TMCO1: variants seen among roughly 807,000 people sequenced by gnomAD.
TMCO1 encodes transmembrane and coiled-coil domains 1.
TMCO1 carries 29 observed loss-of-function variants against 29.3 expected under a neutral mutation model. That is an observed-to-expected ratio of 0.99 (90% CI 0.74 to 1.35). The LOEUF is 1.35. TMCO1 is among the 40% of genes most tolerant of loss of function. TMCO1 has a pLI of 0.00. For missense variants in TMCO1, 173 were observed against 225.5 expected (o/e 0.77, Z 1.49); for synonymous variants, 80 against 77.1 (o/e 1.04, Z -0.20).
chr1:165,725,213 A>T, downstream of TMCO1: 1 of 453,402 alleles, frequency 2.2e-6, no homozygotes, highest in South Asian at 1.6e-5. Flanking sequence ...AATACATAAA[A>T]TAAGTATAAA....
chr1:165,743,432 G>A, intron 5 of TMCO1, 121 bp from the exon 6 acceptor site: 1 of 1,008,976 alleles, frequency 9.9e-7, no homozygotes, highest in Non-Finnish European at 1.5e-6. Context: ...AAAACAAAGA[G>A]AGGGTGACAT....
At chr1:165,744,543 G>A (rs966390929) in intron 5 of TMCO1, among the ~76,000 whole-genome samples, 1 of 152,098 alleles carries the variant, frequency 6.6e-6, no homozygotes, top group African/African-American at 2.4e-5. Context: ...TGTAATTCCA[G>A]CACTTTGGGA....
At chr1:165,736,031 T>C (rs2101791984) in intron 6 of TMCO1, among the ~76,000 whole-genome samples, 1 of 152,330 alleles carries the variant, frequency 6.6e-6, no homozygotes, top group African/African-American at 2.4e-5. Context: ...GATTAGGTTA[T>C]GAGGGCTCTG....
intron 5 of TMCO1, among the ~76,000 whole-genome samples, chr1:165,751,779 C>T (rs1367892607): frequency 6.6e-6 from 1 of 151,346 alleles, no homozygotes; most frequent in Non-Finnish European, 1.5e-5. Flanking sequence ...AAGAAAATGT[C>T]CTTAGGAAAT....
At chr1:165,726,013 C>T (rs893409495), downstream of TMCO1, 13 of 686,242 alleles carry the variant, frequency 1.9e-5, no homozygotes, top group African/African-American at 3.5e-5. Context: ...TTAGAAAGCA[C>T]CAACTTCAAA....
chr1:165,744,915 T>C (rs1651737677), intron 5 of TMCO1, among the ~76,000 whole-genome samples: 1 of 152,132 alleles, frequency 6.6e-6, no homozygotes, highest in African/African-American at 2.4e-5. Flanking sequence ...ATCTAGTCCT[T>C]TTTCTGGCAG....
At chr1:165,729,583 G>A (rs992917227) in intron 6 of TMCO1, among the ~76,000 whole-genome samples, 3 of 152,074 alleles carry the variant, frequency 2.0e-5, no homozygotes, top group Non-Finnish European at 4.4e-5. Context: ...GCCTCCCAAA[G>A]TGCTGGGATT....
intron 6 of TMCO1, among the ~76,000 whole-genome samples, chr1:165,728,477 C>T (rs1437904702): frequency 5.3e-5 from 8 of 152,100 alleles, no homozygotes; most frequent in African/African-American, 1.7e-4. Flanking sequence ...AGGATGGTCT[C>T]GATCTCCTGA....
At chr1:165,735,942 CTGAATGTTTGTTTCCCTTACAAAT>C (rs1203271322) in intron 6 of TMCO1, among the ~76,000 whole-genome samples, 4 of 152,202 alleles carry the variant, frequency 2.6e-5, no homozygotes, top group Non-Finnish European at 5.9e-5. Context: ...CTGCTATGGT[CTGAATGTTTGTTTCCCTTACAAAT>C]TCATATGTTG....
At position 165,768,286 on chromosome 1, in the gene TMCO1, A is replaced by C; in HGVS notation, c.71-17T>G. ...AGGTTATGCCTAAAACATTAAAAGC[A>C]ACATGTTAATAGAGAAATGACTGGA... On this transcript the variant is annotated splice_polypyrimidine_tract_variant and intron_variant, in intron 1 of 6. Transcript: ENST00000367881. The C allele has an allele frequency of 6.2e-7, 1 of 1,607,226 alleles. No individual in the cohort carries two copies. Among genetic ancestry groups the C allele is most frequent in the Non-Finnish European group, 8.5e-7 (1 of 1,173,936 alleles).
intron 3 of TMCO1, among the ~76,000 whole-genome samples, chr1:165,758,168 TCTC>T (rs530769939): frequency 8.5e-5 from 13 of 152,074 alleles, no homozygotes; most frequent in Admixed American, 1.3e-4. Context: ...TCCCTGACAC[TCTC>T]CTCTCAACTT....
At chr1:165,734,305 A>G (rs1651286659) in intron 6 of TMCO1, among the ~76,000 whole-genome samples, 1 of 152,180 alleles carries the variant, frequency 6.6e-6, no homozygotes, top group Admixed American at 6.5e-5. Context: ...CTGAAATATT[A>G]TTGGGTTAGC....
intron 3 of TMCO1, among the ~76,000 whole-genome samples, chr1:165,756,045 T>C (rs1350897010): frequency 2.1e-5 from 2 of 93,240 alleles, no homozygotes; most frequent in Admixed American, 2.3e-4. Context: ...GGGCAGCTTG[T>C]TTAAAAAAAA....
chr1:165,757,241 T>C (rs1652229047), intron 3 of TMCO1, among the ~76,000 whole-genome samples: 1 of 152,240 alleles, frequency 6.6e-6, no homozygotes, highest in South Asian at 2.1e-4. Context: ...ATAGTAGTAC[T>C]ATAACAAATT....
chr1:165,743,318 G>GAA lies in TMCO1; in HGVS notation c.324-9_324-8dup, dbSNP rs751227407. ...CACCACTCTACCATCAAATCTAAAAGAAAAAAAAAAAAAAAGAATTGTTAT... is the reference window on the plus strand; with the variant it reads ...CACCACTCTACCATCAAATCTAAAAGAAAAAAAAAAAAAAAAAGAATTGTTAT... On this transcript the variant is annotated splice_region_variant and splice_polypyrimidine_tract_variant and intron_variant, in intron 5 of 6. Coordinates refer to ENST00000367881, the MANE Select transcript of TMCO1 (RefSeq NM_019026.6). 4.9e-4 allele frequency: 657 copies of GAA among 1,338,842 alleles called. No homozygotes were observed. The highest frequency in any genetic ancestry group is 5.5e-4 in the Non-Finnish European group (540 of 985,118). The allele number at this position is 1,338,842 out of a possible 1,614,324, so 82.9% of individuals were successfully genotyped here.
chr1:165,759,193 A>G (rs1652308584), intron 3 of TMCO1, among the ~76,000 whole-genome samples: 1 of 152,192 alleles, frequency 6.6e-6, no homozygotes, highest in South Asian at 2.1e-4. Flanking sequence ...TACAAGTAAG[A>G]CTTAAGTGGA....
At chr1:165,768,541 G>A in intron 1 of TMCO1, 141 bp downstream of exon 1, 1 of 1,561,422 alleles carries the variant, frequency 6.4e-7, no homozygotes, top group Non-Finnish European at 8.7e-7. Context: ...CTGTTCACGA[G>A]TTGCCCAGAG....
intron 6 of TMCO1, among the ~76,000 whole-genome samples, chr1:165,741,692 A>G (rs992269899): frequency 4.6e-5 from 7 of 152,174 alleles, no homozygotes; most frequent in African/African-American, 1.7e-4. Context: ...CCAGGGTGAT[A>G]ATGGTTTGAA....
intron 3 of TMCO1, among the ~76,000 whole-genome samples, chr1:165,757,743 C>G (rs1652251982): frequency 2.6e-5 from 4 of 152,176 alleles, no homozygotes; most frequent in Admixed American, 2.6e-4. Flanking sequence ...GGTGACCCAC[C>G]CGTCTTGGTT....
Sources: gnomAD v4.1 joint callset for allele counts (sites outside exome capture counted in the v4.1 genomes callset) on GRCh38, gnomAD v4.1.1 for gene constraint, MANE v1.5 for transcripts, NCBI Gene and HGNC (gene_info 2026-07-23, HGNC 2026-07-21) for gene names.